COL6A2: variants seen among roughly 807,000 people sequenced by gnomAD.
COL6A2 encodes collagen alpha-2(VI) chain.
Under a neutral mutation model 124.9 loss-of-function variants are expected in COL6A2, and 90 were observed. That is an observed-to-expected ratio of 0.72 (90% CI 0.61 to 0.86). The LOEUF (loss-of-function observed/expected upper bound fraction) is 0.86. COL6A2 is among the 40% of genes least tolerant of loss of function. The probability of loss-of-function intolerance (pLI) is 0.00; values close to 1 mark genes in which losing one functional copy is unlikely to be tolerated. For missense variants in COL6A2, 1,607 were observed against 1,502.5 expected (o/e 1.07, Z -1.15); for synonymous variants, 793 against 618.2 (o/e 1.28, Z -4.19).
intron 21 of COL6A2, among the ~76,000 whole-genome samples, chr21:46,124,212 GGGTGGATGGA>G (rs1396744016): frequency 2.0e-5 from 3 of 150,292 alleles, no homozygotes; most frequent in African/African-American, 4.9e-5. Flanking sequence ...GTGGGTGGCT[GGGTGGATGGA>G]TGATGGATGG....
intron 15 of COL6A2, among the ~76,000 whole-genome samples, chr21:46,120,097 C>A (rs2078537353): frequency 6.8e-6 from 1 of 147,870 alleles, no homozygotes; most frequent in South Asian, 2.1e-4. Flanking sequence ...ACCCCCGGCC[C>A]ACTGAGGCAC....
intron 27 of COL6A2, chr21:46,128,934 T>A (rs755015473): frequency 8.1e-6 from 13 of 1,612,376 alleles, no homozygotes; most frequent in Non-Finnish European, 1.1e-5. Flanking sequence ...GCTGAAAGGT[T>A]TTCTCGGGGT....
intron 27 of COL6A2, among the ~76,000 whole-genome samples, chr21:46,126,913 C>G (rs998631874): frequency 6.6e-6 from 1 of 152,164 alleles, no homozygotes; most frequent in African/African-American, 2.4e-5. Flanking sequence ...GCCCTGGATT[C>G]AGTGAGTGAA....
At chr21:46,118,477 C>A in intron 12 of COL6A2, 137 bp from the exon 13 acceptor site, 3 of 786,426 alleles carry the variant, frequency 3.8e-6, no homozygotes, top group Non-Finnish European at 6.5e-6. Context: ...CAGCCAGCAT[C>A]TGGCATCCCA....
intron 26 of COL6A2, 61 bp downstream of exon 26, chr21:46,126,298 G>T: frequency 6.4e-7 from 1 of 1,573,718 alleles, no homozygotes; most frequent in Non-Finnish European, 8.7e-7. Flanking sequence ...GCTGTCTAGC[G>T]TGAGCCCCAG....
At chr21:46,109,313 T>C (rs2078369490) in intron 1 of COL6A2, among the ~76,000 whole-genome samples, 1 of 152,302 alleles carries the variant, frequency 6.6e-6, no homozygotes. Flanking sequence ...TCTGCCCTGC[T>C]CTGACTGAGC....
chr21:46,125,616 A>G lies in COL6A2; in HGVS notation c.1968A>G (p.Thr656=), dbSNP rs1424248212. The stretch of plus-strand genomic sequence containing the variant: ...TCGCTAAGGACCCCAAGTCCGAGAC[A>G]GGTCAGCGGGGCAGGGGCGGGTGCA... ...GAIAKDPKSE[T]GTRVGVVQYS... is the part of the protein sequence containing the mutation. The change falls in exon 25 of 28, where the codon ACA becomes ACG. Residue 656 remains threonine (T), a splice_region_variant and synonymous_variant. Transcript: ENST00000300527. The G allele has an allele frequency of 5.5e-6, 8 of 1,465,646 alleles. No homozygotes were observed. Among genetic ancestry groups the G allele is most frequent in the Non-Finnish European group, 7.4e-6 (8 of 1,074,944 alleles). 90.8% of individuals were successfully genotyped at this position (1,465,646 alleles called of 1,614,324 possible).
intron 26 of COL6A2, 53 bp downstream of exon 26, chr21:46,126,290 T>C: frequency 2.5e-6 from 4 of 1,581,548 alleles, no homozygotes; most frequent in Non-Finnish European, 3.4e-6. Context: ...CCCCAGCCGC[T>C]GTCTAGCGTG....
intron 21 of COL6A2, among the ~76,000 whole-genome samples, chr21:46,123,983 G>T (rs1227541807): frequency 3.3e-5 from 5 of 149,826 alleles, no homozygotes; most frequent in Non-Finnish European, 5.9e-5. Context: ...GTGAGTGGGG[G>T]GATGGGTAGG....
rs2078480478 is a variant in COL6A2, at chr21:46,116,915, GTACACACGCA to G, written c.999+109_999+118del. On this transcript the variant is annotated intron_variant, in intron 10 of 27. Transcript: ENST00000300527. The surrounding 1 kb of genome is among the most constrained non-coding windows in gnomAD (Gnocchi z 4.6). Reference sequence around the variant, plus strand: ...GCCTGATCTGTCAGCTTACACATGTGTACACACGCATACACACACACACACACACACACAC... The same window carrying G: ...GCCTGATCTGTCAGCTTACACATGTGTACACACACACACACACACACACAC... 3 of 1,004,826 alleles carry G rather than the reference GTACACACGCA, an allele frequency of 3.0e-6. No individual in the cohort carries two copies. Among genetic ancestry groups the G allele is most frequent in the Non-Finnish European group, 3.0e-6 (2 of 664,140 alleles). The allele number at this position is 1,004,826 out of a possible 1,614,324, so 62.2% of individuals were successfully genotyped here. A position where few individuals can be genotyped will look rare whatever the true frequency, so the allele number is the denominator to read the frequency against.
chr21:46,104,045 T>C (rs1367991683), intron 1 of COL6A2, among the ~76,000 whole-genome samples: 1 of 152,214 alleles, frequency 6.6e-6, no homozygotes, highest in Admixed American at 6.5e-5. Flanking sequence ...GTTTATACTT[T>C]ATGCTGATCC....
At position 46,116,126 on chromosome 21, in the gene COL6A2, A is replaced by G; in HGVS notation, c.900+73A>G. On this transcript the variant is annotated intron_variant, in intron 7 of 27. Coordinates refer to ENST00000300527, the MANE Select transcript of COL6A2 (RefSeq NM_001849.4). The surrounding 1 kb of genome is among the most constrained non-coding windows in gnomAD (Gnocchi z 4.6). The stretch of plus-strand genomic sequence containing the variant: ...CTGCCAGGCAGGCTCCCCCCAGCCC[A>G]GCCTCGGCCTCAGCCTCTACGACCC... 6.8e-7 allele frequency: 1 copy of G among 1,475,994 alleles called. No homozygotes were observed. Among genetic ancestry groups the G allele is most frequent in the South Asian group, 1.2e-5 (1 of 82,638 alleles). The allele number at this position is 1,475,994 out of a possible 1,614,324, so 91.4% of individuals were successfully genotyped here. A position where few individuals can be genotyped will look rare whatever the true frequency, so the allele number is the denominator to read the frequency against.
chr21:46,112,060 T>C lies in COL6A2; in HGVS notation c.197T>C (p.Leu66Pro). ...ACCATGCAGTCCCCCACGGACATCC[T>C]GCTCTTCCACATGAAGCAGTTCGTG... ...SVTMQSPTDI[L>P]LFHMKQFVPQ... Residue 66 changes from leucine to proline, a missense_variant, in exon 3 of 28, where the codon CTG becomes CCG. Leu to Pro is a moderately conservative substitution (Grantham distance 98). Transcript: ENST00000300527. 6.2e-7 allele frequency: 1 copy of C among 1,613,152 alleles called. No individual in the cohort carries two copies. The highest frequency in any genetic ancestry group is 2.2e-5 in the East Asian group (1 of 44,872).
At chr21:46,129,289 A>G in intron 27 of COL6A2, 2 of 1,612,948 alleles carry the variant, frequency 1.2e-6, no homozygotes, top group Non-Finnish European at 1.7e-6. Context: ...CCCCTGATCC[A>G]ACAGTTGCTA....
intron 12 of COL6A2, 96 bp from the exon 13 acceptor site, chr21:46,118,518 C>A (rs1001049782): frequency 2.4e-6 from 3 of 1,228,776 alleles, no homozygotes; most frequent in African/African-American, 3.0e-5. Context: ...GAGGTGCAGT[C>A]CCAAGCCCGA....
At chr21:46,127,546 G>A (rs560386424) in intron 27 of COL6A2, among the ~76,000 whole-genome samples, 60 of 152,260 alleles carry the variant, frequency 3.9e-4, no homozygotes, top group African/African-American at 1.2e-3. Flanking sequence ...TGCTTCTGCC[G>A]CCAAGGTGCA....
At chr21:46,123,258 G>C (rs1679975182) in intron 21 of COL6A2, among the ~76,000 whole-genome samples, 1 of 109,838 alleles carries the variant, frequency 9.1e-6, no homozygotes, top group Admixed American at 9.6e-5. Flanking sequence ...TCCCCCACCA[G>C]GGTCCCCTCC....
chr21:46,129,275 C>T (rs1464168446), intron 27 of COL6A2: 1 of 1,612,954 alleles, frequency 6.2e-7, no homozygotes. Context: ...TCCCCAGGAC[C>T]ATTCCCCTGA....
In COL6A2 at chr21:46,111,505, T is replaced by G. The variant is rs1322695807; in HGVS notation, c.29T>G (p.Leu10Arg). The G allele has an allele frequency of 2.5e-6, 4 of 1,612,702 alleles. No homozygotes were observed. Among genetic ancestry groups the G allele is most frequent in the Non-Finnish European group, 3.4e-6 (4 of 1,179,794 alleles). Residue 10 changes from leucine (L) to arginine (R), a missense_variant, in exon 2 of 28, where the codon CTG (leucine) becomes CGG (arginine). Physicochemically the swap from Leu to Arg is moderately radical, Grantham distance 102. Around this residue, in one of 3 missense-constraint regions of COL6A2, gnomAD observed 342 missense variants for 381.5 expected, o/e 0.90. Transcript: ENST00000300527. ...CTCCAGGGCACCTGCTCCGTGCTCC[T>G]GCTCTGGGGAATCCTGGGGGCCATC... MLQGTCSVL[L>R]LWGILGAIQA...
Sources: allele counts gnomAD v4.1 joint callset (sites outside exome capture counted in the v4.1 genomes callset), GRCh38; gene constraint gnomAD v4.1.1; regional missense constraint gnomAD v4.1.1; non-coding constraint Gnocchi (gnomAD v3.1); transcripts MANE v1.5; gene names NCBI Gene and HGNC (gene_info 2026-07-23, HGNC 2026-07-21).